The following ITGAM variants were observed in gnomAD, a reference collection of about 807,000 sequenced individuals.
ITGAM encodes the protein integrin alpha-M.
Under a neutral mutation model 137.5 loss-of-function variants are expected in ITGAM, and 79 were observed. The ratio of observed to expected loss-of-function variants is 0.57; its 90% CI spans 0.48 to 0.69. ITGAM has a LOEUF of 0.69. Among genes scored for constraint, ITGAM ranks in the 30% least tolerant of loss-of-function variants. The probability of loss-of-function intolerance (pLI) is 0.00; values close to 1 mark genes in which losing one functional copy is unlikely to be tolerated. For synonymous variants in ITGAM, 583 were observed against 592.3 expected, an observed-to-expected ratio of 0.98 and a Z score of 0.23; for missense variants, 1,343 against 1,483.5, an observed-to-expected ratio of 0.91 and a Z score of 1.56.
rs1465411226 is a variant in ITGAM at position 31,297,693 on chromosome 16, G to A, written c.1497+39G>A. On this transcript the variant is annotated intron_variant, in intron 13 of 29. Transcript: ENST00000544665. ...GGACCTGGGCTGGGTGGGGCCCGGT[G>A]TGGGTGGAGGGGTCGCCTGGGTTGG... The A allele has an allele frequency of 1.9e-6, 3 of 1,601,754 alleles. No individual in the cohort carries two copies. In the South Asian group the frequency reaches 3.3e-5, roughly 18 times the overall value.
intron 22 of ITGAM, 70 bp downstream of exon 22, chr16:31,327,005 C>T (rs764245306): frequency 2.8e-6 from 3 of 1,084,212 alleles, no homozygotes; most frequent in Non-Finnish European, 4.3e-6. Context: ...CCATGGTGGG[C>T]CTTTGCCCTT....
chr16:31,316,464 T>C lies in ITGAM; in HGVS notation c.1708-4777T>C, dbSNP rs545826152. ...TTTCTGAGCTCTGTATTCTGTTCCA[T>C]TGGTCAATGTCTCTGTTTTTATGTC... On this transcript the variant is annotated intron_variant, in intron 14 of 29. Transcript: ENST00000544665. Among the ~76,000 whole-genome samples the C allele has an allele frequency of 1.2e-4, 18 of 152,258 alleles. No homozygotes were observed. In the South Asian group the frequency reaches 3.3e-3, roughly 28 times the overall value.
intron 8 of ITGAM, among the ~76,000 whole-genome samples, chr16:31,274,713 C>T (rs2079887864): frequency 6.6e-6 from 1 of 152,104 alleles, no homozygotes. Flanking sequence ...CTCCTGGGTT[C>T]AAGCAGTTCT....
chr16:31,276,929 T>A lies in ITGAM; in HGVS notation c.1093T>A (p.Leu365Met). Residue 365 changes from leucine (L) to methionine (M), a missense_variant, in exon 11 of 30, where the codon TTG becomes ATG. Physicochemically the swap from Leu to Met is conservative, Grantham distance 15. Coordinates refer to ENST00000544665, the MANE Select transcript of ITGAM (RefSeq NM_000632.4). Reference sequence around the variant, plus strand: ...TCTACACCTTTCCCAGAATGGCCCCTTGCTGAGCACTGTGGGGAGCTATGA... The same window carrying A: ...TCTACACCTTTCCCAGAATGGCCCCATGCTGAGCACTGTGGGGAGCTATGA... The part of the protein sequence containing the change: ...FSAAITSNGP[L>M]LSTVGSYDWA... 1 of 1,612,538 alleles carries A rather than the reference T, an allele frequency of 6.2e-7. No individual in the cohort carries two copies. Among genetic ancestry groups the A allele is most frequent in the Non-Finnish European group, 8.5e-7 (1 of 1,179,220 alleles).
chr16:31,280,214 A>T (rs949227887), intron 12 of ITGAM, among the ~76,000 whole-genome samples: 2 of 152,190 alleles, frequency 1.3e-5, no homozygotes, highest in Non-Finnish European at 2.9e-5. Flanking sequence ...TGACTTGGCA[A>T]TGTGGGCTCT....
chr16:31,329,146 C>T, intron 23 of ITGAM, 82 bp from the exon 24 acceptor site: 2 of 736,420 alleles, frequency 2.7e-6, no homozygotes, highest in East Asian at 4.0e-5. Flanking sequence ...TGCCTGTTCG[C>T]TCCTTACACA....
Position 31,265,602 on chromosome 16 carries a change from G to T in ITGAM, c.238+104G>T, listed in dbSNP as rs1381030898. The T allele has an allele frequency of 3.7e-6, 3 of 821,160 alleles. No individual in the cohort carries two copies. In the African/African-American group the frequency reaches 5.2e-5, roughly 14 times the overall value. The allele number at this position is 821,160 out of a possible 1,614,324, so 50.9% of individuals were successfully genotyped here. A position where few individuals can be genotyped will look rare whatever the true frequency, so the allele number is the denominator to read the frequency against. ...GGGGATCTGTGGTGGGGACACAGGT[G>T]CCTGCCTCCGTACCCTCTCCTCTGC... On this transcript the variant is annotated intron_variant, in intron 3 of 29. Coordinates refer to ENST00000544665, the MANE Select transcript of ITGAM (RefSeq NM_000632.4).
chr16:31,295,640 A>T (rs2080125510), intron 12 of ITGAM, among the ~76,000 whole-genome samples: 1 of 150,154 alleles, frequency 6.7e-6, no homozygotes, highest in Non-Finnish European at 1.5e-5. Flanking sequence ...ATATGTTTTT[A>T]TATATATATC....
intron 2 of ITGAM, among the ~76,000 whole-genome samples, chr16:31,262,313 C>A (rs919794072): frequency 6.9e-6 from 1 of 144,398 alleles, no homozygotes; most frequent in Non-Finnish European, 1.5e-5. Flanking sequence ...CTCTTTCCCT[C>A]CTTCCCTCCC....
chr16:31,260,094 T>C lies in ITGAM; in HGVS notation c.28+2T>C, dbSNP rs1567242765. On this transcript the variant is annotated splice_donor_variant, in intron 1 of 29. Transcript: ENST00000544665. LOFTEE classifies it high-confidence loss of function. ...CTCTCAGAGTCCTTCTGTTAACAGG[T>C]GCATGGGGGTGGGGTGGGGGACTCT... The C allele has an allele frequency of 3.0e-6, 2 of 671,584 alleles. No homozygotes were observed. Among genetic ancestry groups the C allele is most frequent in the Non-Finnish European group, 2.3e-6 (1 of 434,288 alleles). The allele number at this position is 671,584 out of a possible 1,614,324, so 41.6% of individuals were successfully genotyped here.
chr16:31,320,240 A>G (rs1211778505), intron 14 of ITGAM, among the ~76,000 whole-genome samples: 1 of 152,130 alleles, frequency 6.6e-6, no homozygotes, highest in Non-Finnish European at 1.5e-5. Context: ...TGCACTCTAT[A>G]CTTTTATTCC....
rs1222405589 is a variant in ITGAM at position 31,276,686 on chromosome 16, G to T, written c.1025G>T (p.Ser342Ile). The change falls in exon 10 of 30, where the codon AGT becomes ATT. Residue 342 changes from serine (S) to isoleucine (I), a missense_variant. Physicochemically the swap from Ser to Ile is moderately radical, Grantham distance 142. Transcript: ENST00000544665. ...IFAIEGTQTG[S>I]SSSFEHEMSQ... ...CTCTTTACAGGTACTCAGACAGGAA[G>T]TAGCAGCTCCTTTGAGCATGAGATG... 2 of 1,611,610 alleles carry T rather than the reference G, an allele frequency of 1.2e-6. No individual in the cohort carries two copies. The highest frequency in any genetic ancestry group is 3.3e-5 in the Admixed American group (2 of 59,702).
Position 31,329,223 on chromosome 16 carries a change from T to C in ITGAM, c.2793-5T>C, listed in dbSNP as rs764724056. On this transcript the variant is annotated splice_region_variant and splice_polypyrimidine_tract_variant and intron_variant, in intron 23 of 29. Transcript: ENST00000544665. The stretch of plus-strand genomic sequence containing the variant: ...TCACCTCCTGTCCCTTTTTTCTCCC[T>C]TCAGCCATGGGGTCTCCACTAAATA... 9.3e-6 allele frequency: 15 copies of C among 1,607,824 alleles called. No homozygotes were observed. The highest frequency in any genetic ancestry group is 1.2e-5 in the Non-Finnish European group (14 of 1,174,752).
Position 31,324,702 on chromosome 16 carries a change from C to A in ITGAM, c.2209C>A (p.Leu737Met), listed in dbSNP as rs1353040235. 1 of 1,601,550 alleles carries A rather than the reference C, an allele frequency of 6.2e-7. No individual in the cohort carries two copies. The highest frequency in any genetic ancestry group is 2.2e-5 in the East Asian group (1 of 44,792). Residue 737 changes from leucine (L) to methionine (M), a missense_variant, in exon 18 of 30, where the codon CTG (leucine) becomes ATG (methionine). Physicochemically the swap from Leu to Met is conservative, Grantham distance 15 (BLOSUM62 2). Coordinates refer to ENST00000544665, the MANE Select transcript of ITGAM (RefSeq NM_000632.4). The surrounding 1 kb of genome is among the most constrained non-coding windows in gnomAD (Gnocchi z 4.5). Reference sequence around the variant, plus strand: ...CATTGTGCTGCGCCTGAACTTCTCTCTGGTGGGAACGCCATTGTCTGCTTT... The same window carrying A: ...CATTGTGCTGCGCCTGAACTTCTCTATGGTGGGAACGCCATTGTCTGCTTT... ...SPIVLRLNFS[L>M]VGTPLSAFGN...
Position 31,321,677 on chromosome 16 carries a change from A to G in ITGAM, c.2002+50A>G, listed in dbSNP as rs74018313. On this transcript the variant is annotated intron_variant, in intron 16 of 29. Coordinates refer to ENST00000544665, the MANE Select transcript of ITGAM (RefSeq NM_000632.4). The stretch of plus-strand genomic sequence containing the variant: ...AGAGGTTAAACGACCGAGGACATGA[A>G]TGGGTGCTGCAATCCACTCTGCCCA... The G allele has an allele frequency of 2.2e-3, 3,428 of 1,574,840 alleles. 47 individuals carry two copies. In the African/African-American group the frequency reaches 0.04, roughly 18 times the overall value.
intron 3 of ITGAM, 22 bp downstream of exon 3, chr16:31,265,520 C>T: frequency 6.7e-7 from 1 of 1,489,868 alleles, no homozygotes; most frequent in Non-Finnish European, 9.2e-7. Context: ...CCCCGCCGGG[C>T]TGGGACTGGG....
intron 14 of ITGAM, among the ~76,000 whole-genome samples, chr16:31,304,029 G>GTA (rs2080241606): frequency 6.6e-6 from 1 of 152,062 alleles, no homozygotes; most frequent in Admixed American, 6.5e-5. Flanking sequence ...AGTTATTTAA[G>GTA]GAATCTCCAT....
chr16:31,275,499 T>G, intron 8 of ITGAM, 50 bp from the exon 9 acceptor site: 1 of 1,581,038 alleles, frequency 6.3e-7, no homozygotes, highest in Non-Finnish European at 8.7e-7. Flanking sequence ...CTTTGCCAGA[T>G]GATATTGCTA....
At position 31,261,725 on chromosome 16, in the gene ITGAM, C is replaced by T. The variant is rs373885749; in HGVS notation, c.62C>T (p.Thr21Ile). ...TTATGTCATGGGTTCAACTTGGACA[C>T]TGAAAACGCAATGACCTTCCAAGAG... ...LTLCHGFNLD[T>I]ENAMTFQENA... The change falls in exon 2 of 30, where the codon ACT becomes ATT. Residue 21 changes from threonine (T) to isoleucine (I), a missense_variant. Thr to Ile is a moderately conservative substitution (Grantham distance 89). Coordinates refer to ENST00000544665, the MANE Select transcript of ITGAM (RefSeq NM_000632.4). 2.5e-6 allele frequency: 4 copies of T among 1,612,770 alleles called. No homozygotes were observed. In the African/African-American group the frequency reaches 5.3e-5, roughly 22 times the overall value.
Sources: gnomAD v4.1 joint callset for allele counts (sites outside exome capture counted in the v4.1 genomes callset) on GRCh38, gnomAD v4.1.1 for gene constraint, Gnocchi (gnomAD v3.1) non-coding constraint, MANE v1.5 for transcripts, NCBI Gene and HGNC (gene_info 2026-07-23, HGNC 2026-07-21) for gene names.